Variants in SPPL3 observed in about 807,000 individuals in gnomAD.
SPPL3 encodes signal peptide peptidase-like 3.
SPPL3 carries 5 observed loss-of-function variants against 42.4 expected under a neutral mutation model. The ratio of observed to expected loss-of-function variants is 0.12; its 90% CI spans 0.06 to 0.25. The LOEUF is 0.25. Ranked by LOEUF, SPPL3 falls within the 10% of genes least tolerant of loss-of-function variation. SPPL3 has a pLI of 1.00. For missense variants in SPPL3, 235 were observed against 489.0 expected, an observed-to-expected ratio of 0.48 and a Z score of 4.90; for synonymous variants, 195 against 181.8, an observed-to-expected ratio of 1.07 and a Z score of -0.58.
At chr12:120,902,163 A>T (rs1173795338) in intron 1 of SPPL3, among the ~76,000 whole-genome samples, 1 of 152,208 alleles carries the variant, frequency 6.6e-6, no homozygotes, top group Non-Finnish European at 1.5e-5. Flanking sequence ...CAAAACTATG[A>T]AATTAGCTTA....
intron 2 of SPPL3, among the ~76,000 whole-genome samples, chr12:120,802,409 G>GTATA (rs1363690046): frequency 1.0e-3 from 112 of 111,648 alleles, no homozygotes; most frequent in East Asian, 7.0e-3. Flanking sequence ...GTGTGTGTGT[G>GTATA]TGTGTGTATA....
intron 1 of SPPL3, among the ~76,000 whole-genome samples, chr12:120,872,815 G>A (rs1237135239): frequency 5.3e-5 from 8 of 152,250 alleles, no homozygotes; most frequent in South Asian, 2.1e-4. Context: ...ATTAAAGGCC[G>A]CTATTACTAG....
chr12:120,840,277 CAAAAAA>C (rs533134400), intron 1 of SPPL3, among the ~76,000 whole-genome samples: 13 of 44,174 alleles, frequency 2.9e-4, no homozygotes, highest in Admixed American at 1.4e-3. Flanking sequence ...GACTCTGTCT[CAAAAAA>C]AAAAAAAAAA....
Position 120,903,979 on chromosome 12 carries a change from CGCTCGCTG to C in SPPL3, c.-120_-113del, listed in dbSNP as rs1302352702. The C allele has an allele frequency of 6.4e-6, 6 of 936,044 alleles. No homozygotes were observed. Among genetic ancestry groups the C allele is most frequent in the African/African-American group, 1.7e-5 (1 of 57,698 alleles). The allele number at this position is 936,044 out of a possible 1,614,324, so 58.0% of individuals were successfully genotyped here. ...GGGGTCCGGTGCTTGCTTGCTTGCT[CGCTCGCTG>C]GCTCGCTGGCTGCACGGCGGGCCGG... On this transcript the variant is annotated 5_prime_UTR_variant, in exon 1 of 11. Transcript: ENST00000353487.
intron 1 of SPPL3, among the ~76,000 whole-genome samples, chr12:120,839,998 T>C (rs1008435308): frequency 1.3e-5 from 2 of 152,042 alleles, no homozygotes; most frequent in African/African-American, 4.8e-5. Flanking sequence ...GAGTAAAATA[T>C]GGCCTAGAGT....
At chr12:120,866,629 A>G (rs1872761956) in intron 1 of SPPL3, among the ~76,000 whole-genome samples, 2 of 152,210 alleles carry the variant, frequency 1.3e-5, no homozygotes, top group African/African-American at 4.8e-5. Flanking sequence ...TCTAAGACAC[A>G]ATGGATTGTA....
At chr12:120,899,565 A>G (rs1873910131) in intron 1 of SPPL3, among the ~76,000 whole-genome samples, 1 of 152,162 alleles carries the variant, frequency 6.6e-6, no homozygotes, top group South Asian at 2.1e-4. Flanking sequence ...GAGATAAGGA[A>G]GGAATTATGC....
intron 1 of SPPL3, among the ~76,000 whole-genome samples, chr12:120,836,367 G>C (rs928091271): frequency 3.9e-5 from 6 of 152,156 alleles, no homozygotes; most frequent in African/African-American, 1.4e-4. Context: ...CTGTTGGAAA[G>C]AGGCCACACA....
chr12:120,823,224 G>A (rs1871124899), intron 1 of SPPL3, among the ~76,000 whole-genome samples: 1 of 141,680 alleles, frequency 7.1e-6, no homozygotes, highest in African/African-American at 2.5e-5. Context: ...GTGGGGGGTG[G>A]GGGGGCGGCG....
intron 1 of SPPL3, among the ~76,000 whole-genome samples, chr12:120,822,249 A>G (rs1219895926): frequency 6.6e-6 from 1 of 152,188 alleles, no homozygotes; most frequent in Admixed American, 6.5e-5. Context: ...TCAATGGTAA[A>G]TTTCAAATTG....
chr12:120,857,316 A>C (rs1382623803), intron 1 of SPPL3, among the ~76,000 whole-genome samples: 1 of 152,216 alleles, frequency 6.6e-6, no homozygotes, highest in Non-Finnish European at 1.5e-5. Context: ...TTAAACAGTC[A>C]AGAAACAACA....
chr12:120,803,743 A>C (rs986253660), intron 2 of SPPL3, among the ~76,000 whole-genome samples: 11 of 152,126 alleles, frequency 7.2e-5, no homozygotes, highest in Non-Finnish European at 1.6e-4. Context: ...TGAATTGATG[A>C]AATTCTTAAA....
intron 1 of SPPL3, among the ~76,000 whole-genome samples, chr12:120,871,143 AAAAAAAG>A (rs1291095514): frequency 2.7e-5 from 4 of 150,244 alleles, no homozygotes; most frequent in African/African-American, 4.9e-5. Flanking sequence ...AAAAAAAAAA[AAAAAAAG>A]AAAAAGTTCT....
rs1592954664 is a variant in SPPL3, at chr12:120,772,552, T to C, written c.503-3493A>G. Among the ~76,000 whole-genome samples, 5 of 152,342 alleles carry C rather than the reference T, an allele frequency of 3.3e-5. No homozygotes were observed. The South Asian group carries it at 6.2e-4, about 19-fold the overall frequency. On this transcript the variant is annotated intron_variant, in intron 6 of 10. Coordinates refer to ENST00000353487, the MANE Select transcript of SPPL3 (RefSeq NM_139015.5). ...TGAATGAATGCAAAACTGTGTTCTATTAACTTCAAATTTCAAATTATTCTA... is the reference window on the plus strand; with the variant it reads ...TGAATGAATGCAAAACTGTGTTCTACTAACTTCAAATTTCAAATTATTCTA...
chr12:120,895,093 G>C (rs770902043), intron 1 of SPPL3, among the ~76,000 whole-genome samples: 18 of 152,074 alleles, frequency 1.2e-4, no homozygotes, highest in Non-Finnish European at 2.6e-4. Context: ...CATTTAAGTA[G>C]ATCATGAAGG....
At chr12:120,842,007 A>G (rs1871848748) in intron 1 of SPPL3, among the ~76,000 whole-genome samples, 1 of 152,212 alleles carries the variant, frequency 6.6e-6, no homozygotes, top group Non-Finnish European at 1.5e-5. Flanking sequence ...TTACATCTAA[A>G]ACTTCCATCA....
At chr12:120,881,022 C>T (rs1873261889) in intron 1 of SPPL3, among the ~76,000 whole-genome samples, 1 of 151,760 alleles carries the variant, frequency 6.6e-6, no homozygotes, top group African/African-American at 2.4e-5. Flanking sequence ...CACTTCATAC[C>T]CATTAGGATG....
At chr12:120,871,259 T>C (rs1372961755) in intron 1 of SPPL3, among the ~76,000 whole-genome samples, 1 of 151,924 alleles carries the variant, frequency 6.6e-6, no homozygotes, top group African/African-American at 2.4e-5. Context: ...TTTTATGTTA[T>C]ATATACATTT....
rs368569858 is a variant in SPPL3, at chr12:120,848,927, G to GT, written c.24-38042dup. Among the ~76,000 whole-genome samples the GT allele has an allele frequency of 4.6e-3, 678 of 147,360 alleles. 1 individual carries two copies. The highest frequency in any genetic ancestry group is 6.7e-3 in the Non-Finnish European group (443 of 66,452). ...GTGATTTGTGTAACACTCAATTTTG[G>GT]TTTTTTTTTTGGCCATCTTTCAAGG... On this transcript the variant is annotated intron_variant, in intron 1 of 10. Coordinates refer to ENST00000353487, the MANE Select transcript of SPPL3 (RefSeq NM_139015.5).
Sources: allele counts gnomAD v4.1 joint callset (sites outside exome capture counted in the v4.1 genomes callset), GRCh38; gene constraint gnomAD v4.1.1; transcripts MANE v1.5; gene names NCBI Gene and HGNC (gene_info 2026-07-23, HGNC 2026-07-21).